Variants in CRAMP1 observed in about 807,000 individuals in gnomAD.
The protein encoded by CRAMP1 is cramped chromatin regulator 1, also known as protein cramped-like.
In CRAMP1, 50 loss-of-function variants were observed where a neutral mutation model predicts 115.4. The ratio of observed to expected loss-of-function variants is 0.43; its 90% CI spans 0.35 to 0.55. The LOEUF (loss-of-function observed/expected upper bound fraction) is 0.55, where lower values mean the gene tolerates loss of function less well. Ranked by LOEUF, CRAMP1 falls within the 20% of genes least tolerant of loss-of-function variation. CRAMP1 has a pLI of 0.01. For synonymous variants in CRAMP1, 866 were observed against 745.4 expected (o/e 1.16, Z -2.64); for missense variants, 1,679 against 1,721.7 (o/e 0.98, Z 0.44).
rs747246736 is a variant in CRAMP1, at chr16:1,670,660, G to A, written c.3500-4G>A. The A allele has an allele frequency of 3.7e-5, 59 of 1,613,734 alleles. No individual in the cohort carries two copies. The highest frequency in any genetic ancestry group is 3.3e-4 in the Middle Eastern group (2 of 6,084). On this transcript the variant is annotated splice_region_variant and splice_polypyrimidine_tract_variant and intron_variant, in intron 19 of 20. Coordinates refer to ENST00000397412, the MANE Select transcript of CRAMP1 (RefSeq NM_020825.4). ...GGTGTTTTCCTCTGGCCTTTTCTCCGCAGCAAGCTTCATCTCCCCAGAGAA... is the reference window on the plus strand; with the variant it reads ...GGTGTTTTCCTCTGGCCTTTTCTCCACAGCAAGCTTCATCTCCCCAGAGAA...
intron 2 of CRAMP1, among the ~76,000 whole-genome samples, chr16:1,618,422 G>T (rs1314433171): frequency 6.6e-6 from 1 of 152,210 alleles, no homozygotes; most frequent in Non-Finnish European, 1.5e-5. Context: ...AGGCTGGCGG[G>T]GTGGGGAGCC....
intron 6 of CRAMP1, among the ~76,000 whole-genome samples, chr16:1,651,332 G>C (rs1323413680): frequency 1.3e-5 from 2 of 151,750 alleles, no homozygotes; most frequent in African/African-American, 2.4e-5. Flanking sequence ...AGGTCACACA[G>C]AGGTCATCTA....
Position 1,614,668 on chromosome 16 carries a change from G to A in CRAMP1, c.29G>A (p.Ser10Asn). 1 of 1,296,322 alleles carries A rather than the reference G, an allele frequency of 7.7e-7. No individual in the cohort carries two copies. Among genetic ancestry groups the A allele is most frequent in the Non-Finnish European group, 9.9e-7 (1 of 1,014,472 alleles). 80.3% of individuals were successfully genotyped at this position (1,296,322 alleles called of 1,614,324 possible). ...ACAGTGAAGTTGGGCGACGGCGGCA[G>A]CGGGGAGGACGGGCTCAAGAAGCTG... Reference protein sequence around the residue: MTVKLGDGGSGEDGLKKLGK... With the variant: MTVKLGDGGNGEDGLKKLGK... Residue 10 changes from serine (S) to asparagine (N), a missense_variant, in exon 2 of 21, where the codon AGC becomes AAC. By Grantham distance (46) the Ser-to-Asn change is conservative. Coordinates refer to ENST00000397412, the MANE Select transcript of CRAMP1 (RefSeq NM_020825.4). The surrounding 1 kb of genome is among the most constrained non-coding windows in gnomAD (Gnocchi z 4.4).
intron 4 of CRAMP1, among the ~76,000 whole-genome samples, chr16:1,632,627 G>C (rs2036556168): frequency 6.6e-6 from 1 of 152,262 alleles, no homozygotes; most frequent in African/African-American, 2.4e-5. Context: ...TGTGTTTCCA[G>C]TGGCTCTGAG....
chr16:1,647,071 A>G (rs1264844813), intron 6 of CRAMP1: 2 of 702,968 alleles, frequency 2.8e-6, no homozygotes, highest in Admixed American at 2.0e-5. Context: ...AGATTGGGAA[A>G]ATGACTGAGG....
At position 1,637,853 on chromosome 16, in the gene CRAMP1, C is replaced by G; in HGVS notation, c.724C>G (p.Gln242Glu). 1 of 1,569,820 alleles carries G rather than the reference C, an allele frequency of 6.4e-7. No homozygotes were observed. Among genetic ancestry groups the G allele is most frequent in the Admixed American group, 1.9e-5 (1 of 52,210 alleles). Residue 242 changes from glutamine to glutamate, a missense_variant, in exon 5 of 21, where the codon CAG (glutamine) becomes GAG (glutamate). Gln to Glu is a conservative substitution (Grantham distance 29). Coordinates refer to ENST00000397412, the MANE Select transcript of CRAMP1 (RefSeq NM_020825.4). ...VFSRGLKKSSQELYGLICYGE... is the reference protein window; with the variant it reads ...VFSRGLKKSSEELYGLICYGE... ...CTCTCGAGGCCTGAAGAAGTCATCC[C>G]AGGAACTGTATGGCCTGATCTGCTA...
rs576149115 is a variant in CRAMP1 at position 1,653,132 on chromosome 16, G to C, written c.1013G>C (p.Ser338Thr). 4 of 1,610,426 alleles carry C rather than the reference G, an allele frequency of 2.5e-6. No individual in the cohort carries two copies. The highest frequency in any genetic ancestry group is 4.5e-5 in the East Asian group (2 of 44,802). ...RNNHAWARVQ[S>T]LAQNPRLRMI... is the part of the protein sequence containing the mutation. ...AACCACGCCTGGGCCCGTGTGCAGA[G>C]CCTTGCCCAGAACCCACGCCTCAGG... The change falls in exon 8 of 21, where the codon AGC becomes ACC. Residue 338 changes from serine (S) to threonine (T), a missense_variant. Coordinates refer to ENST00000397412, the MANE Select transcript of CRAMP1 (RefSeq NM_020825.4).
At position 1,659,982 on chromosome 16, in the gene CRAMP1, C is replaced by T. The variant is rs1383635649; in HGVS notation, c.2332C>T (p.Arg778Cys). 15 of 1,607,296 alleles carry T rather than the reference C, an allele frequency of 9.3e-6. No homozygotes were observed. The highest frequency in any genetic ancestry group is 1.7e-5 in the Admixed American group (1 of 59,986). Residue 778 changes from arginine (R) to cysteine (C), a missense_variant, in exon 11 of 21, where the codon CGC becomes TGC. Arg to Cys is a radical substitution (Grantham distance 180). Transcript: ENST00000397412. The part of the protein sequence containing the change: ...PPGKVVTVSS[R>C]SPRCPRNQAS... ...AGGGAAGGTGGTGACCGTCAGCTCT[C>T]GCAGCCCCCGCTGCCCTCGGAACCA...
chr16:1,622,457 C>T lies in CRAMP1; in HGVS notation c.347-3516C>T, dbSNP rs527564881. Among the ~76,000 whole-genome samples the T allele has an allele frequency of 8.5e-5, 13 of 152,316 alleles. 1 individual carries two copies. Among genetic ancestry groups the T allele is most frequent in the African/African-American group, 3.1e-4 (13 of 41,570 alleles). ...CCTGGGAGGCAGAGCTTGCAGTAAGCCAGGATTGCACCACTGCACTCCAGC... is the reference window on the plus strand; with the variant it reads ...CCTGGGAGGCAGAGCTTGCAGTAAGTCAGGATTGCACCACTGCACTCCAGC... On this transcript the variant is annotated intron_variant, in intron 2 of 20. Coordinates refer to ENST00000397412, the MANE Select transcript of CRAMP1 (RefSeq NM_020825.4).
Position 1,614,689 on chromosome 16 carries a change from A to C in CRAMP1, c.50A>C (p.Lys17Thr). The part of the protein sequence containing the change: ...DGGSGEDGLK[K>T]LGKRAADEES... ...GGCAGCGGGGAGGACGGGCTCAAGAAGCTGGGCAAGCGGGCGGCCGATGAG... is the reference window on the plus strand; with the variant it reads ...GGCAGCGGGGAGGACGGGCTCAAGACGCTGGGCAAGCGGGCGGCCGATGAG... The change falls in exon 2 of 21, where the codon AAG becomes ACG. Residue 17 changes from lysine (K) to threonine (T), a missense_variant. This residue lies in a region of CRAMP1 where 264 missense variants were observed against 229.7 expected (regional missense o/e 1.15). Transcript: ENST00000397412. This position sits in a 1 kb window ranked among gnomAD's most constrained non-coding sequence, Gnocchi z 4.4. 1 of 1,324,538 alleles carries C rather than the reference A, an allele frequency of 7.5e-7. No individual in the cohort carries two copies. The highest frequency in any genetic ancestry group is 9.7e-7 in the Non-Finnish European group (1 of 1,030,348). 82.0% of individuals were successfully genotyped at this position (1,324,538 alleles called of 1,614,324 possible).
chr16:1,614,741 C>A lies in CRAMP1; in HGVS notation c.102C>A (p.Gly34=), dbSNP rs1274528715. Residue 34 remains glycine (G), a synonymous_variant, in exon 2 of 21, where the codon GGC becomes GGA. Transcript: ENST00000397412. The surrounding 1 kb of genome is among the most constrained non-coding windows in gnomAD (Gnocchi z 4.4). ...AGTCCCTGGAAGGAGAAGGGGCCGG[C>A]GGCGCAGACGCGGCCGAGGAGAGCA... ...DEESLEGEGA[G]GADAAEESSG... is the part of the protein sequence containing the mutation. The A allele has an allele frequency of 2.2e-6, 3 of 1,365,100 alleles. No homozygotes were observed. Among genetic ancestry groups the A allele is most frequent in the Non-Finnish European group, 9.6e-7 (1 of 1,046,844 alleles). 84.6% of individuals were successfully genotyped at this position (1,365,100 alleles called of 1,614,324 possible).
intron 6 of CRAMP1, among the ~76,000 whole-genome samples, chr16:1,649,451 A>T (rs745648142): frequency 1.2e-4 from 18 of 150,004 alleles, no homozygotes; most frequent in African/African-American, 4.5e-4. Flanking sequence ...CTTTCTGCCA[A>T]TTGGGACCTC....
intron 3 of CRAMP1, among the ~76,000 whole-genome samples, chr16:1,626,561 C>T (rs1339834684): frequency 2.0e-5 from 3 of 152,070 alleles, no homozygotes; most frequent in East Asian, 1.9e-4. Context: ...GTGCTTGTCT[C>T]GGGGGTCAGT....
chr16:1,631,777 A>G (rs561830719), intron 3 of CRAMP1, among the ~76,000 whole-genome samples: 8 of 152,220 alleles, frequency 5.3e-5, no homozygotes, highest in Non-Finnish European at 8.8e-5. Flanking sequence ...TCGTTTGAAT[A>G]TGGAATATAT....
intron 10 of CRAMP1, among the ~76,000 whole-genome samples, chr16:1,658,286 G>A (rs982736091): frequency 2.6e-5 from 4 of 152,154 alleles, no homozygotes; most frequent in Admixed American, 6.5e-5. Context: ...CTCGGGGGTC[G>A]CATAGCAGGG....
chr16:1,665,191 G>C (rs2036864168), intron 14 of CRAMP1, 53 bp downstream of exon 14: 1 of 1,199,420 alleles, frequency 8.3e-7, no homozygotes, highest in Non-Finnish European at 1.2e-6. Context: ...TCACAGGAGG[G>C]CCTTGGCTTT....
At chr16:1,638,675 TC>T (rs962590988) in intron 5 of CRAMP1, among the ~76,000 whole-genome samples, 7 of 151,778 alleles carry the variant, frequency 4.6e-5, no homozygotes, top group African/African-American at 1.5e-4. Context: ...CTGTAGGGGA[TC>T]CCCCCCTCTT....
intron 8 of CRAMP1, among the ~76,000 whole-genome samples, chr16:1,653,697 T>G (rs1483467470): frequency 6.7e-6 from 1 of 150,320 alleles, no homozygotes; most frequent in Non-Finnish European, 1.5e-5. Flanking sequence ...GGCAGGCGCC[T>G]GTAGTCCCAG....
chr16:1,636,644 A>G (rs936902338), intron 4 of CRAMP1, among the ~76,000 whole-genome samples: 14 of 152,212 alleles, frequency 9.2e-5, no homozygotes, highest in African/African-American at 3.1e-4. Flanking sequence ...AAGTGACCCA[A>G]AGGGGCCTGG....
Sources: allele counts gnomAD v4.1 joint callset (sites outside exome capture counted in the v4.1 genomes callset), GRCh38; gene constraint gnomAD v4.1.1; regional missense constraint gnomAD v4.1.1; non-coding constraint Gnocchi (gnomAD v3.1); transcripts MANE v1.5; gene names NCBI Gene and HGNC (gene_info 2026-07-23, HGNC 2026-07-21).